SPEF2: variants seen among roughly 807,000 people sequenced by gnomAD.
SPEF2 encodes the protein sperm flagellar and cilia associated 2, also known as sperm flagella and cilia-associated protein 2.
Under a neutral mutation model 224.6 loss-of-function variants are expected in SPEF2, and 187 were observed. The ratio of observed to expected loss-of-function variants is 0.83; its 90% confidence interval spans 0.74 to 0.94. SPEF2 has a LOEUF of 0.94. SPEF2 is among the 40% of genes least tolerant of loss of function. The probability of loss-of-function intolerance (pLI) is 0.00; values close to 1 mark genes in which losing one functional copy is unlikely to be tolerated. For synonymous variants in SPEF2, 715 were observed against 707.3 expected, an observed-to-expected ratio of 1.01 and a Z score of -0.17; for missense variants, 2,170 against 2,135.6, an observed-to-expected ratio of 1.02 and a Z score of -0.32.
intron 10 of SPEF2, among the ~76,000 whole-genome samples, chr5:35,680,909 A>G (rs1752704490): frequency 6.6e-6 from 1 of 152,110 alleles, no homozygotes; most frequent in South Asian, 2.1e-4. Flanking sequence ...TTTTTCAATA[A>G]CCTCTGAAGA....
At chr5:35,703,532 A>G (rs1739126019) in intron 16 of SPEF2, among the ~76,000 whole-genome samples, 1 of 152,024 alleles carries the variant, frequency 6.6e-6, no homozygotes, top group African/African-American at 2.4e-5. Context: ...GGTGATCACA[A>G]AATTCATTGG....
Position 35,644,483 on chromosome 5 carries a change from T to C in SPEF2, c.543T>C (p.Phe181=). 6.2e-7 allele frequency: 1 copy of C among 1,605,316 alleles called. No individual in the cohort carries two copies. Among genetic ancestry groups the C allele is most frequent in the South Asian group, 1.1e-5 (1 of 88,376 alleles). Residue 181 remains phenylalanine, a synonymous_variant, in exon 4 of 37, where the codon TTT becomes TTC. Transcript: ENST00000356031. The part of the protein sequence containing the change: ...AHLHFEKLER[F]QKLKEEQRCF... ...TGCATTTTGAGAAACTTGAAAGATT[T>C]CAAAAACTCAAGGAAGAGCAAAGAT...
At chr5:35,666,375 G>T (rs546726332) in intron 8 of SPEF2, among the ~76,000 whole-genome samples, 1 of 152,136 alleles carries the variant, frequency 6.6e-6, no homozygotes, top group Non-Finnish European at 1.5e-5. Context: ...TACCTTGTGT[G>T]AAGAAAAGAT....
At chr5:35,693,375 C>G (rs1754806321) in intron 12 of SPEF2, among the ~76,000 whole-genome samples, 1 of 152,068 alleles carries the variant, frequency 6.6e-6, no homozygotes, top group Admixed American at 6.6e-5. Context: ...TGTCGGCAGG[C>G]CTTTGTGGTC....
chr5:35,712,870 C>T lies in SPEF2; in HGVS notation c.2898C>T (p.Thr966=), dbSNP rs202247689. The change falls in exon 20 of 37, where the codon ACC becomes ACT. Residue 966 remains threonine (T), a synonymous_variant. Coordinates refer to ENST00000356031, the MANE Select transcript of SPEF2 (RefSeq NM_024867.4). ...AAGGAAAAGGGAAGAAAGGTGAGAC[C>T]GCACTCAAAAGAAAAGGTACAGCAG... The part of the protein sequence containing the change: ...LQEGKGKKGE[T]ALKRKGSPKG... 8.9e-5 allele frequency: 143 copies of T among 1,613,418 alleles called. No homozygotes were observed. Among genetic ancestry groups the T allele is most frequent in the Non-Finnish European group, 1.1e-4 (129 of 1,179,796 alleles).
Position 35,673,653 on chromosome 5 carries a change from T to A in SPEF2, c.1524+3426T>A, listed in dbSNP as rs145294817. 4.6e-5 allele frequency among the ~76,000 whole-genome samples: 7 copies of A among 152,376 alleles called. No individual in the cohort carries two copies. In the East Asian group the frequency reaches 1.4e-3, roughly 29 times the overall value. On this transcript the variant is annotated intron_variant, in intron 10 of 36. Transcript: ENST00000356031. Reference sequence around the variant, plus strand: ...CCATGTTGTCTTAAGTTGTTCATGATTTTTAATTGCTGCTATTTTTTGCCT... The same window carrying A: ...CCATGTTGTCTTAAGTTGTTCATGAATTTTAATTGCTGCTATTTTTTGCCT...
chr5:35,807,361 C>A, intron 36 of SPEF2, 108 bp downstream of exon 36: 1 of 1,427,822 alleles, frequency 7.0e-7, no homozygotes, highest in Non-Finnish European at 9.4e-7. Flanking sequence ...TGTACTCTGC[C>A]AGGCCAGGCC....
At position 35,681,703 on chromosome 5, in the gene SPEF2, T is replaced by C. The variant is rs1170271050; in HGVS notation, c.1525-9334T>C. On this transcript the variant is annotated intron_variant, in intron 10 of 36. Coordinates refer to ENST00000356031, the MANE Select transcript of SPEF2 (RefSeq NM_024867.4). ...ATGATAAGGATTTCATAAATTTTTT[T>C]TGTGCATTTTATATCTACCTGTACA... Among the ~76,000 whole-genome samples, 3 of 152,224 alleles carry C rather than the reference T, an allele frequency of 2.0e-5. No individual in the cohort carries two copies. In the East Asian group the frequency reaches 5.8e-4, roughly 29 times the overall value.
At chr5:35,637,466 C>T (rs286441) in intron 2 of SPEF2, among the ~76,000 whole-genome samples, 17,678 of 152,074 alleles carry the variant, frequency 0.12, 2,289 homozygotes, top group African/African-American at 0.32. Flanking sequence ...GAAGCTGCAC[C>T]TGTGTTATAA....
At chr5:35,685,216 A>G (rs1580266916) in intron 10 of SPEF2, among the ~76,000 whole-genome samples, 1 of 152,268 alleles carries the variant, frequency 6.6e-6, no homozygotes. Flanking sequence ...AATACACTAA[A>G]ATTTATGTAT....
At chr5:35,773,743 C>T (rs1753210573) in intron 27 of SPEF2, 150 bp from the exon 28 acceptor site, 2 of 862,750 alleles carry the variant, frequency 2.3e-6, no homozygotes, top group Admixed American at 3.8e-5. Context: ...TATTTCATCA[C>T]AGATGCTGGG....
chr5:35,723,566 C>G (rs529957880), intron 20 of SPEF2, among the ~76,000 whole-genome samples: 65 of 152,144 alleles, frequency 4.3e-4, no homozygotes, highest in African/African-American at 1.6e-3. Context: ...TATAATATAC[C>G]TCTTCCTCCA....
At chr5:35,754,269 C>T (rs1426676267) in intron 24 of SPEF2, among the ~76,000 whole-genome samples, 1 of 148,052 alleles carries the variant, frequency 6.8e-6, no homozygotes, top group Non-Finnish European at 1.5e-5. Flanking sequence ...AAAAATTGCA[C>T]AGGGCAAGAT....
intron 19 of SPEF2, among the ~76,000 whole-genome samples, chr5:35,711,346 A>C (rs911340727): frequency 3.3e-4 from 22 of 67,328 alleles, no homozygotes; most frequent in Non-Finnish European, 2.6e-4. Flanking sequence ...TTTTGTTAAA[A>C]ATTTTGTGAT....
intron 20 of SPEF2, among the ~76,000 whole-genome samples, chr5:35,713,829 G>A (rs62351905): frequency 0.45 from 3,087 of 6,796 alleles, 631 homozygotes; most frequent in East Asian, 0.53. Flanking sequence ...TATATATAGT[G>A]TTATATATTT....
intron 1 of SPEF2, 74 bp downstream of exon 1, chr5:35,618,129 C>A: frequency 6.7e-7 from 1 of 1,501,698 alleles, no homozygotes; most frequent in Non-Finnish European, 9.1e-7. Flanking sequence ...GCGCAGCGCA[C>A]TCAGGGAAGG....
At chr5:35,627,401 A>G (rs1418782063) in intron 1 of SPEF2, among the ~76,000 whole-genome samples, 2 of 152,076 alleles carry the variant, frequency 1.3e-5, no homozygotes, top group African/African-American at 4.8e-5. Flanking sequence ...AAAGATCGAG[A>G]CCAACCTGGG....
rs761012713 is a variant in SPEF2, at chr5:35,740,159, G to A, written c.3222G>A (p.Pro1074=). 15 of 1,613,916 alleles carry A rather than the reference G, an allele frequency of 9.3e-6. No individual in the cohort carries two copies. The highest frequency in any genetic ancestry group is 1.6e-4 in the Middle Eastern group (1 of 6,082). The change falls in exon 23 of 37, where the codon CCG becomes CCA. Residue 1074 remains proline (P), a synonymous_variant. Transcript: ENST00000356031. ...RTSFQEFLKR[P]DHKQDFVAQW... is the part of the protein sequence containing the mutation. Reference sequence around the variant, plus strand: ...GTTTCCAGGAGTTTCTAAAGCGTCCGGATCACAAGCAAGATTTTGTAGCTC... The same window carrying A: ...GTTTCCAGGAGTTTCTAAAGCGTCCAGATCACAAGCAAGATTTTGTAGCTC...
At chr5:35,625,265 A>G (rs1246004423) in intron 1 of SPEF2, among the ~76,000 whole-genome samples, 1 of 152,212 alleles carries the variant, frequency 6.6e-6, no homozygotes, top group Non-Finnish European at 1.5e-5. Context: ...TTTATACTAT[A>G]AACACCTCTA....
Sources: allele counts gnomAD v4.1 joint callset (sites outside exome capture counted in the v4.1 genomes callset), GRCh38; gene constraint gnomAD v4.1.1; transcripts MANE v1.5; gene names NCBI Gene and HGNC (gene_info 2026-07-23, HGNC 2026-07-21).